MILR1: variants seen among roughly 807,000 people sequenced by gnomAD.
The protein encoded by MILR1 is allergin-1.
A neutral mutation model predicts 18.5 loss-of-function variants in MILR1; 31 were observed. That is an observed-to-expected ratio of 1.68 (90% CI 1.26 to 2.26). MILR1 has a LOEUF of 2.26. Ranked by LOEUF, MILR1 falls within the 30% of genes most tolerant of loss-of-function variation. MILR1 has a pLI of 0.00. For synonymous variants in MILR1, 85 were observed against 56.2 expected, an observed-to-expected ratio of 1.51 and a Z score of -2.30; for missense variants, 257 against 157.4, an observed-to-expected ratio of 1.63 and a Z score of -3.38.
the MILR1 span, among the ~76,000 whole-genome samples, chr17:64,479,947 A>G: frequency 1.2e-4 from 18 of 152,340 alleles, no homozygotes; most frequent in East Asian, 1.2e-3. Context: ...ATGGACCACA[A>G]TGCCAGCAAA....
the MILR1 span, among the ~76,000 whole-genome samples, chr17:64,483,566 C>T: frequency 1.3e-5 from 2 of 151,706 alleles, no homozygotes; most frequent in African/African-American, 4.8e-5. Context: ...CTGACAACTC[C>T]CTCAGTCAAA....
At chr17:64,449,989 G>T (rs2037130145) in intron 2 of MILR1, among the ~76,000 whole-genome samples, 1 of 151,146 alleles carries the variant, frequency 6.6e-6, no homozygotes, top group Non-Finnish European at 1.5e-5. Context: ...GCCCAGGCTG[G>T]AGTCAGTGGT....
At chr17:64,465,376 T>C in intron 5 of MILR1, 76 bp from the exon 6 acceptor site, 1 of 1,041,446 alleles carries the variant, frequency 9.6e-7, no homozygotes, top group Non-Finnish European at 1.5e-6. Flanking sequence ...TTGAGGGAAT[T>C]CTGCTCCTTG....
chr17:64,491,535 G>A, the MILR1 span: 1 of 1,544,112 alleles, frequency 6.5e-7, no homozygotes, highest in South Asian at 1.1e-5. Context: ...GGAGTCAGTT[G>A]TACCAGTGAA....
the MILR1 span, chr17:64,497,176 G>C: frequency 1.6e-6 from 1 of 638,954 alleles, no homozygotes; most frequent in Non-Finnish European, 2.8e-6. Flanking sequence ...GGCTCGGATG[G>C]TTCTCTGCTA....
At chr17:64,473,021 C>CTAG (rs1187234543), downstream of MILR1, among the ~76,000 whole-genome samples, 1 of 152,156 alleles carries the variant, frequency 6.6e-6, no homozygotes, top group African/African-American at 2.4e-5. Flanking sequence ...CCTTCTGCCT[C>CTAG]TTCTACTCTC....
chr17:64,463,399 T>C (rs1246045168), intron 5 of MILR1, among the ~76,000 whole-genome samples: 1 of 152,138 alleles, frequency 6.6e-6, no homozygotes, highest in Non-Finnish European at 1.5e-5. Context: ...TGCAGAAGGA[T>C]ATGAAGATTT....
chr17:64,456,061 TAAAA>T (rs1247324293), intron 3 of MILR1, among the ~76,000 whole-genome samples: 1 of 149,398 alleles, frequency 6.7e-6, no homozygotes, highest in Non-Finnish European at 1.5e-5. Flanking sequence ...AGAAAGTAAA[TAAAA>T]AAAAAATTGT....
chr17:64,482,096 CTTTTTTT>C, the MILR1 span, among the ~76,000 whole-genome samples: 5 of 116,042 alleles, frequency 4.3e-5, no homozygotes, highest in East Asian at 4.6e-4. Flanking sequence ...TTAATTAAAG[CTTTTTTT>C]TTTTTTTTTT....
intron 5 of MILR1, 61 bp downstream of exon 5, chr17:64,460,993 G>T: frequency 2.1e-6 from 1 of 466,476 alleles, no homozygotes. Context: ...CAGACAGCAG[G>T]ACAGAGGGTG....
the MILR1 span, among the ~76,000 whole-genome samples, chr17:64,490,214 C>T: frequency 7.2e-5 from 11 of 152,114 alleles, no homozygotes; most frequent in Non-Finnish European, 1.5e-4. Context: ...TGAGCCACTG[C>T]GCCTGGCCGT....
At chr17:64,466,800 C>G in intron 8 of MILR1, 138 bp downstream of exon 8, 1 of 670,478 alleles carries the variant, frequency 1.5e-6, no homozygotes, top group Middle Eastern at 4.1e-4. Context: ...GAACCAATGG[C>G]AACCAGCACC....
the MILR1 span, chr17:64,477,646 T>C: frequency 1.3e-6 from 1 of 748,750 alleles, no homozygotes; most frequent in African/African-American, 1.8e-5. Flanking sequence ...AGATTTTTGT[T>C]TCTTGTAGCT....
the MILR1 span, among the ~76,000 whole-genome samples, chr17:64,483,445 TC>T: frequency 1.3e-5 from 2 of 150,220 alleles, no homozygotes; most frequent in East Asian, 3.9e-4. Flanking sequence ...ACCCGGGAGG[TC>T]AAGGCTGCAG....
chr17:64,497,299 C>T, the MILR1 span, among the ~76,000 whole-genome samples: 4 of 152,280 alleles, frequency 2.6e-5, no homozygotes, highest in South Asian at 8.3e-4. Flanking sequence ...ACTTGAGTCA[C>T]TTCCTTCTGC....
chr17:64,475,796 T>C, the MILR1 span, among the ~76,000 whole-genome samples: 1 of 145,442 alleles, frequency 6.9e-6, no homozygotes, highest in Non-Finnish European at 1.5e-5. Context: ...AAACAGACAC[T>C]ACTACCACTT....
chr17:64,472,169 A>G (rs552095386), downstream of MILR1, among the ~76,000 whole-genome samples: 3 of 152,246 alleles, frequency 2.0e-5, no homozygotes, highest in African/African-American at 7.2e-5. Context: ...ACATTTAGAA[A>G]TCATAAACTA....
intron 3 of MILR1, among the ~76,000 whole-genome samples, chr17:64,453,114 G>T (rs2037211557): frequency 6.6e-6 from 1 of 150,550 alleles, no homozygotes; most frequent in South Asian, 2.1e-4. Context: ...AGTTGCCCAG[G>T]CTGGAGTACA....
At chr17:64,451,591 T>A (rs1380339776) in intron 2 of MILR1, among the ~76,000 whole-genome samples, 4 of 152,226 alleles carry the variant, frequency 2.6e-5, no homozygotes, top group Non-Finnish European at 5.9e-5. Flanking sequence ...TAAAAAAAAC[T>A]TAGGGATGGC....
Sources: allele counts gnomAD v4.1 joint callset (sites outside exome capture counted in the v4.1 genomes callset), GRCh38; gene constraint gnomAD v4.1.1; transcripts MANE v1.5; gene names NCBI Gene and HGNC (gene_info 2026-07-23, HGNC 2026-07-21).